FHIT: variants seen among roughly 807,000 people sequenced by gnomAD.
The protein encoded by FHIT is fragile histidine triad diadenosine triphosphatase, also known as bis(5'-adenosyl)-triphosphatase.
A neutral mutation model predicts 17.9 loss-of-function variants in FHIT; 19 were observed. The observed-to-expected ratio is 1.06, with a 90% CI of 0.74 to 1.56. The LOEUF (loss-of-function observed/expected upper bound fraction) is 1.56, where lower values mean the gene tolerates loss of function less well. FHIT is among the 40% of genes most tolerant of loss of function. FHIT has a pLI of 0.00. For synonymous variants in FHIT, 81 were observed against 69.7 expected (o/e 1.16, Z -0.81); for missense variants, 248 against 189.2 (o/e 1.31, Z -1.82).
At chr3:60,924,641 A>C (rs1707477032) in intron 3 of FHIT, among the ~76,000 whole-genome samples, 1 of 152,166 alleles carries the variant, frequency 6.6e-6, no homozygotes, top group South Asian at 2.1e-4. Flanking sequence ...AACTCTAAAA[A>C]TCAGAGCGCC....
At chr3:60,049,719 C>G (rs1027727367) in intron 5 of FHIT, among the ~76,000 whole-genome samples, 1 of 152,088 alleles carries the variant, frequency 6.6e-6, no homozygotes, top group Non-Finnish European at 1.5e-5. Flanking sequence ...TTTCTTGGTA[C>G]TTTTTTGTGT....
intron 5 of FHIT, among the ~76,000 whole-genome samples, chr3:60,381,153 T>A (rs946971380): frequency 3.3e-5 from 5 of 152,146 alleles, no homozygotes; most frequent in African/African-American, 9.7e-5. Flanking sequence ...CTCCCCAATT[T>A]AGCAGAAGTA....
At chr3:59,936,209 C>G (rs1706231010) in intron 7 of FHIT, among the ~76,000 whole-genome samples, 1 of 152,000 alleles carries the variant, frequency 6.6e-6, no homozygotes. Context: ...TGGATATCTT[C>G]TGATCTTTAC....
At chr3:59,767,381 C>A (rs1430738601) in intron 8 of FHIT, among the ~76,000 whole-genome samples, 1 of 152,088 alleles carries the variant, frequency 6.6e-6, no homozygotes, top group African/African-American at 2.4e-5. Flanking sequence ...CACCTGTAAT[C>A]CCAGTTATTC....
intron 7 of FHIT, among the ~76,000 whole-genome samples, chr3:59,988,402 G>T (rs1709082075): frequency 6.6e-6 from 1 of 152,058 alleles, no homozygotes; most frequent in African/African-American, 2.4e-5. Context: ...TGTGTAACAT[G>T]ATCGAATAAA....
At chr3:60,933,285 T>G (rs9876711) in intron 3 of FHIT, among the ~76,000 whole-genome samples, 91,051 of 152,040 alleles carry the variant, frequency 0.6, 27,568 homozygotes, top group East Asian at 0.69. Flanking sequence ...CATAAGTAAT[T>G]TTAGTGTCAG....
At chr3:60,837,217 G>A (rs546813720) in intron 3 of FHIT, among the ~76,000 whole-genome samples, 1 of 152,136 alleles carries the variant, frequency 6.6e-6, no homozygotes, top group Non-Finnish European at 1.5e-5. Flanking sequence ...AGGGAGGGAC[G>A]TGGAGCCTAT....
chr3:61,142,910 A>G (rs925750667), intron 2 of FHIT, among the ~76,000 whole-genome samples: 2 of 152,166 alleles, frequency 1.3e-5, no homozygotes, highest in African/African-American at 4.8e-5. Flanking sequence ...GTAGACTTAA[A>G]GCTTTTTTTC....
intron 5 of FHIT, among the ~76,000 whole-genome samples, chr3:60,111,966 T>A (rs1032439406): frequency 2.0e-5 from 3 of 152,228 alleles, no homozygotes; most frequent in African/African-American, 7.2e-5. Flanking sequence ...ATCTCTTAAA[T>A]GCTTACTATT....
intron 5 of FHIT, among the ~76,000 whole-genome samples, chr3:60,058,111 A>G (rs1175178949): frequency 1.4e-5 from 2 of 141,386 alleles, no homozygotes; most frequent in Non-Finnish European, 3.1e-5. Flanking sequence ...GAGTTATTGT[A>G]TAATGAGTAC....
At chr3:60,797,432 C>A (rs1701019715) in intron 4 of FHIT, among the ~76,000 whole-genome samples, 1 of 148,508 alleles carries the variant, frequency 6.7e-6, no homozygotes, top group Non-Finnish European at 1.5e-5. Context: ...ATGATTAAGA[C>A]AGATTCTGGC....
intron 4 of FHIT, among the ~76,000 whole-genome samples, chr3:60,624,512 G>T (rs1290766491): frequency 6.6e-6 from 1 of 152,116 alleles, no homozygotes; most frequent in Non-Finnish European, 1.5e-5. Flanking sequence ...GAACATGAAT[G>T]AGAATAGGAA....
At chr3:61,208,286 A>G (rs558559688) in intron 1 of FHIT, among the ~76,000 whole-genome samples, 11 of 152,018 alleles carry the variant, frequency 7.2e-5, no homozygotes, top group Middle Eastern at 3.4e-3. Flanking sequence ...AAAAATGTAT[A>G]TTCTGTTGAT....
At chr3:61,211,658 C>A (rs374184841) in intron 1 of FHIT, among the ~76,000 whole-genome samples, 2 of 152,376 alleles carry the variant, frequency 1.3e-5, no homozygotes, top group African/African-American at 4.8e-5. Context: ...AGCAGTGGTT[C>A]TCCCAGCACG....
chr3:60,191,561 C>A (rs994213901), intron 5 of FHIT, among the ~76,000 whole-genome samples: 2 of 152,124 alleles, frequency 1.3e-5, no homozygotes, highest in Non-Finnish European at 2.9e-5. Flanking sequence ...AAAGCATGAT[C>A]CTCTCCTCCA....
intron 5 of FHIT, among the ~76,000 whole-genome samples, chr3:60,286,006 C>T (rs1466969275): frequency 6.6e-6 from 1 of 152,126 alleles, no homozygotes; most frequent in East Asian, 1.9e-4. Flanking sequence ...AGAAAAGCAT[C>T]CCAGGAGAGG....
intron 5 of FHIT, among the ~76,000 whole-genome samples, chr3:60,281,788 TAAC>T (rs1277425036): frequency 6.6e-6 from 1 of 152,084 alleles, no homozygotes; most frequent in African/African-American, 2.4e-5. Flanking sequence ...TTTATAGATA[TAAC>T]AACAAAAAAT....
At chr3:60,472,959 G>C (rs1017896540) in intron 5 of FHIT, among the ~76,000 whole-genome samples, 3 of 152,184 alleles carry the variant, frequency 2.0e-5, no homozygotes, top group South Asian at 2.1e-4. Flanking sequence ...ATCTCCTTTA[G>C]TGCTATATTA....
At position 60,025,466 on chromosome 3, in the gene FHIT, ACC is replaced by A. The variant is rs755056271; in HGVS notation, c.104-11316_104-11315del. On this transcript the variant is annotated intron_variant, in intron 5 of 9. Coordinates refer to ENST00000492590, the MANE Select transcript of FHIT (RefSeq NM_002012.4). ...CTCACTTTGGCTTAGAATCTAATAT[ACC>A]CAGTACTAAAGAGTAAGAAAAGAAG... Among the ~76,000 whole-genome samples, 259 of 152,304 alleles carry A rather than the reference ACC, an allele frequency of 1.7e-3. 1 individual carries two copies. In the Middle Eastern group the frequency reaches 0.02, roughly 12 times the overall value.
Sources: gnomAD v4.1 joint callset for allele counts (sites outside exome capture counted in the v4.1 genomes callset) on GRCh38, gnomAD v4.1.1 for gene constraint, MANE v1.5 for transcripts, NCBI Gene and HGNC (gene_info 2026-07-23, HGNC 2026-07-21) for gene names.